Variants in INTU observed in about 807,000 individuals in gnomAD.
INTU encodes the protein inturned planar cell polarity protein, also known as protein inturned.
In INTU, 68 loss-of-function variants were observed where a neutral mutation model predicts 100.5. That is an observed-to-expected ratio of 0.68 (90% CI 0.56 to 0.83). The LOEUF (loss-of-function observed/expected upper bound fraction) is 0.83, where lower values mean the gene tolerates loss of function less well. INTU is among the 40% of genes least tolerant of loss of function. INTU has a pLI of 0.00. For synonymous variants in INTU, 357 were observed against 395.7 expected (o/e 0.90, Z 1.16); for missense variants, 1,071 against 1,114.7 (o/e 0.96, Z 0.56).
chr4:127,692,360 A>G (rs1345278838), intron 8 of INTU, among the ~76,000 whole-genome samples: 1 of 152,018 alleles, frequency 6.6e-6, no homozygotes, highest in African/African-American at 2.4e-5. Flanking sequence ...TCATTTTTGC[A>G]TATGCTGGTT....
At chr4:127,689,109 G>A (rs558426321) in intron 8 of INTU, among the ~76,000 whole-genome samples, 36 of 149,850 alleles carry the variant, frequency 2.4e-4, no homozygotes, top group African/African-American at 8.6e-4. Flanking sequence ...CAGCCTCTCA[G>A]GTAGCTGGGA....
intron 3 of INTU, among the ~76,000 whole-genome samples, chr4:127,659,554 C>G (rs554868218): frequency 1.3e-5 from 2 of 152,234 alleles, no homozygotes; most frequent in South Asian, 4.1e-4. Flanking sequence ...GTGCAAATAC[C>G]CATCTAATTG....
intron 13 of INTU, among the ~76,000 whole-genome samples, chr4:127,709,741 A>ACACACACACG (rs1276566987): frequency 1.2e-4 from 18 of 151,986 alleles, no homozygotes; most frequent in Admixed American, 9.9e-4. Flanking sequence ...ACACACACAC[A>ACACACACACG]CACAGTACAG....
chr4:127,665,485 C>T, intron 4 of INTU, among the ~76,000 whole-genome samples: 1 of 151,970 alleles, frequency 6.6e-6, no homozygotes, highest in South Asian at 2.1e-4. Flanking sequence ...TGTTATTTAT[C>T]TGATGATGTC....
chr4:127,646,147 G>A (rs192557514), intron 2 of INTU, among the ~76,000 whole-genome samples: 3 of 148,092 alleles, frequency 2.0e-5, no homozygotes, highest in Middle Eastern at 3.6e-3. Context: ...TTGTACCACC[G>A]CACTCCAGCC....
At chr4:127,636,113 T>TA (rs1289589519) in intron 1 of INTU, among the ~76,000 whole-genome samples, 1 of 151,644 alleles carries the variant, frequency 6.6e-6, no homozygotes, top group Admixed American at 6.6e-5. Flanking sequence ...AAATAAAAAA[T>TA]AAAAAAATTA....
At chr4:127,654,976 T>C (rs1728110412) in intron 2 of INTU, among the ~76,000 whole-genome samples, 1 of 151,162 alleles carries the variant, frequency 6.6e-6, no homozygotes. Flanking sequence ...ATTCATTTCA[T>C]CTTCCATTGC....
intron 13 of INTU, among the ~76,000 whole-genome samples, chr4:127,710,200 A>G (rs1246450123): frequency 6.6e-6 from 1 of 152,156 alleles, no homozygotes; most frequent in Admixed American, 6.5e-5. Flanking sequence ...CCTATTTTAA[A>G]AGGTGCCAAA....
chr4:127,674,251 A>C (rs1418948397), intron 6 of INTU, 38 bp downstream of exon 6: 8 of 1,422,936 alleles, frequency 5.6e-6, no homozygotes, highest in Non-Finnish European at 4.9e-6. Context: ...ATCATTTCCA[A>C]ATAATGTTAA....
At chr4:127,650,622 G>A (rs1727812146) in intron 2 of INTU, among the ~76,000 whole-genome samples, 1 of 151,718 alleles carries the variant, frequency 6.6e-6, no homozygotes, top group African/African-American at 2.4e-5. Flanking sequence ...GTCTATCATT[G>A]TTGGACATTT....
chr4:127,682,416 A>C (rs1362979469), intron 6 of INTU, among the ~76,000 whole-genome samples: 5 of 152,100 alleles, frequency 3.3e-5, no homozygotes, highest in Non-Finnish European at 7.4e-5. Flanking sequence ...ATGGAATACT[A>C]TGCAGCCATA....
rs763921551 is a variant in INTU, at chr4:127,643,994, G to T, written c.620G>T (p.Arg207Met). 23 of 1,614,088 alleles carry T rather than the reference G, an allele frequency of 1.4e-5. No homozygotes were observed. The South Asian group carries it at 2.2e-4, about 15-fold the overall frequency. Residue 207 changes from arginine to methionine, a missense_variant, in exon 2 of 16, where the codon AGG becomes ATG. Coordinates refer to ENST00000335251, the MANE Select transcript of INTU (RefSeq NM_015693.4). ...ACCGGAAAGCAGGGTGATGGAGAGA[G>T]GCTTGTGGTTCATGGCCTGCTGCCA... ...RRTGKQGDGE[R>M]LVVHGLLPGG...
intron 1 of INTU, among the ~76,000 whole-genome samples, chr4:127,642,874 A>G (rs1171863825): frequency 1.3e-5 from 2 of 151,626 alleles, no homozygotes; most frequent in Non-Finnish European, 2.9e-5. Context: ...ACAATTTTTC[A>G]TAAAAAGGAG....
chr4:127,634,684 T>C (rs1726990718), intron 1 of INTU, among the ~76,000 whole-genome samples: 1 of 152,184 alleles, frequency 6.6e-6, no homozygotes, highest in Admixed American at 6.5e-5. Flanking sequence ...TCTAGTGTCT[T>C]TATCCTCCTA....
In INTU at chr4:127,663,457, A is replaced by G. The variant is rs1296197548; in HGVS notation, c.845A>G (p.Asn282Ser). 1.2e-6 allele frequency: 2 copies of G among 1,613,556 alleles called. No individual in the cohort carries two copies. Among genetic ancestry groups the G allele is most frequent in the Non-Finnish European group, 1.7e-6 (2 of 1,179,600 alleles). The change falls in exon 4 of 16, where the codon AAC (asparagine) becomes AGC (serine). Residue 282 changes from asparagine (N) to serine (S), a missense_variant. Physicochemically the swap from Asn to Ser is conservative, Grantham distance 46. Transcript: ENST00000335251. ...SHPRQKKTQS[N>S]TSDLVKLLWG... ...CCAAGACAGAAAAAGACACAGTCCAACACAAGTGATTTAGTCAAGCTTCTC... is the reference window on the plus strand; with the variant it reads ...CCAAGACAGAAAAAGACACAGTCCAGCACAAGTGATTTAGTCAAGCTTCTC...
chr4:127,654,274 G>A (rs1728065098), intron 2 of INTU, among the ~76,000 whole-genome samples: 1 of 152,022 alleles, frequency 6.6e-6, no homozygotes, highest in Admixed American at 6.6e-5. Flanking sequence ...TATGATGTTA[G>A]CTGGTGATTT....
In INTU at chr4:127,710,898, TTTTTTC is replaced by T. The variant is rs1731068068; in HGVS notation, c.2370-9_2370-4del. 21 of 1,413,498 alleles carry T rather than the reference TTTTTTC, an allele frequency of 1.5e-5. No homozygotes were observed. The highest frequency in any genetic ancestry group is 2.0e-5 in the Non-Finnish European group (21 of 1,069,510). 87.6% of individuals were successfully genotyped at this position (1,413,498 alleles called of 1,614,324 possible). A position where few individuals can be genotyped will look rare whatever the true frequency, so the allele number is the denominator to read the frequency against. On this transcript the variant is annotated splice_polypyrimidine_tract_variant and intron_variant, in intron 13 of 15. Coordinates refer to ENST00000335251, the MANE Select transcript of INTU (RefSeq NM_015693.4). ...AATTTCTTTTTTCTTCTCTTTGATT[TTTTTTC>T]TTTTTAAGACTGACATCTGGTCCTG...
At chr4:127,711,153 C>T (rs771290899) in intron 14 of INTU, 51 bp downstream of exon 14, 5 of 1,337,060 alleles carry the variant, frequency 3.7e-6, no homozygotes, top group Non-Finnish European at 5.1e-6. Context: ...TTCCAGATCT[C>T]TAAGCATTCT....
intron 14 of INTU, among the ~76,000 whole-genome samples, chr4:127,713,676 T>C (rs932961276): frequency 2.6e-5 from 4 of 152,188 alleles, no homozygotes; most frequent in African/African-American, 9.6e-5. Context: ...ACTGCTAATA[T>C]AATATAATAT....
Sources: allele counts gnomAD v4.1 joint callset (sites outside exome capture counted in the v4.1 genomes callset), GRCh38; gene constraint gnomAD v4.1.1; transcripts MANE v1.5; gene names NCBI Gene and HGNC (gene_info 2026-07-23, HGNC 2026-07-21).